The following ADARB1 variants were observed in gnomAD, a reference collection of about 807,000 sequenced individuals.
ADARB1 encodes adenosine deaminase RNA specific B1, also known as double-stranded RNA-specific editase 1.
Under a neutral mutation model 52.4 loss-of-function variants are expected in ADARB1, and 10 were observed. The observed-to-expected ratio is 0.19, with a 90% CI of 0.12 to 0.32. The LOEUF (loss-of-function observed/expected upper bound fraction) is 0.32. Ranked by LOEUF, ADARB1 falls within the 10% of genes least tolerant of loss-of-function variation. The pLI, the probability that ADARB1 is intolerant of heterozygous loss-of-function variation, is 1.00. For missense variants in ADARB1, 643 were observed against 922.3 expected, an observed-to-expected ratio of 0.70 and a Z score of 3.92; for synonymous variants, 349 against 371.1, an observed-to-expected ratio of 0.94 and a Z score of 0.68.
At chr21:45,121,721 C>A (rs2088201198) in intron 1 of ADARB1, among the ~76,000 whole-genome samples, 1 of 152,148 alleles carries the variant, frequency 6.6e-6, no homozygotes, top group Non-Finnish European at 1.5e-5. Context: ...TAGCGTTAGT[C>A]ATTATAGCTA....
At chr21:45,103,776 T>G (rs964754738) in intron 1 of ADARB1, among the ~76,000 whole-genome samples, 2 of 152,200 alleles carry the variant, frequency 1.3e-5, no homozygotes, top group African/African-American at 4.8e-5. Flanking sequence ...TCACATCTGC[T>G]CAATTTTTCT....
At chr21:45,131,311 T>A (rs139206253) in intron 2 of ADARB1, among the ~76,000 whole-genome samples, 1 of 152,226 alleles carries the variant, frequency 6.6e-6, no homozygotes, top group Admixed American at 6.5e-5. Context: ...CATTACTTTC[T>A]GAAATGGTCA....
At chr21:45,104,030 G>A (rs1265780172) in intron 1 of ADARB1, among the ~76,000 whole-genome samples, 1 of 152,120 alleles carries the variant, frequency 6.6e-6, no homozygotes, top group Non-Finnish European at 1.5e-5. Context: ...GGTCAGTGAC[G>A]GTTGATCTCC....
intron 8 of ADARB1, among the ~76,000 whole-genome samples, chr21:45,196,463 C>T (rs1017433450): frequency 6.6e-6 from 1 of 152,036 alleles, no homozygotes; most frequent in African/African-American, 2.4e-5. Context: ...TTTAGCTACA[C>T]TAAAAAAGAC....
At chr21:45,207,349 G>A (rs527449096) in intron 9 of ADARB1, among the ~76,000 whole-genome samples, 1 of 152,304 alleles carries the variant, frequency 6.6e-6, no homozygotes, top group East Asian at 1.9e-4. Context: ...TTTAGACGAG[G>A]ACTCCTGTGA....
At chr21:45,075,069 ATGCGCCGCGC>A (rs2085864210) in intron 1 of ADARB1, among the ~76,000 whole-genome samples, 1 of 149,386 alleles carries the variant, frequency 6.7e-6, no homozygotes, top group Admixed American at 6.6e-5. Flanking sequence ...TCCGCGTGGG[ATGCGCCGCGC>A]TGCGCCGCGG....
At position 45,143,927 on chromosome 21, in the gene ADARB1, C is replaced by T. The variant is rs144257729; in HGVS notation, c.-48+15354C>T. Among the ~76,000 whole-genome samples the T allele has an allele frequency of 1.8e-4, 28 of 152,302 alleles. 1 individual carries two copies. In the East Asian group the frequency reaches 3.7e-3, roughly 20 times the overall value. ...TGACGGCAGTTCATCTTTTATGACC[C>T]CCATTGTCCCCATTGTCAGTTGTCT... On this transcript the variant is annotated intron_variant, in intron 2 of 10. Transcript: ENST00000348831.
At chr21:45,155,404 CACCTT>C (rs2090504360) in intron 2 of ADARB1, among the ~76,000 whole-genome samples, 1 of 152,142 alleles carries the variant, frequency 6.6e-6, no homozygotes, top group Non-Finnish European at 1.5e-5. Context: ...CCATGACTCT[CACCTT>C]ACAAAGAGAG....
chr21:45,101,626 G>A (rs1296804006), intron 1 of ADARB1, among the ~76,000 whole-genome samples: 3 of 152,194 alleles, frequency 2.0e-5, no homozygotes, highest in African/African-American at 7.2e-5. Context: ...TGATCCTTTT[G>A]CTTTTGGAAA....
chr21:45,152,803 T>C, intron 2 of ADARB1: 1 of 180,124 alleles, frequency 5.6e-6, no homozygotes, highest in Admixed American at 6.0e-5. Context: ...TGAATTAATC[T>C]TGCTGATGCC....
intron 1 of ADARB1, among the ~76,000 whole-genome samples, chr21:45,080,272 A>G (rs1474878429): frequency 6.6e-6 from 1 of 152,222 alleles, no homozygotes; most frequent in African/African-American, 2.4e-5. Flanking sequence ...GTATTTTTAA[A>G]TGAGAGCGAT....
At chr21:45,206,521 G>A (rs540535069) in intron 9 of ADARB1, among the ~76,000 whole-genome samples, 1 of 145,030 alleles carries the variant, frequency 6.9e-6, no homozygotes, top group South Asian at 2.2e-4. Context: ...AGTTACTGAT[G>A]CTGCTGTTTA....
At chr21:45,116,762 G>A (rs2087849519) in intron 1 of ADARB1, among the ~76,000 whole-genome samples, 1 of 152,204 alleles carries the variant, frequency 6.6e-6, no homozygotes, top group Non-Finnish European at 1.5e-5. Flanking sequence ...TCACTATCAC[G>A]AAAACAGCAT....
chr21:45,159,652 T>G (rs1451979268), intron 2 of ADARB1, among the ~76,000 whole-genome samples: 2 of 152,338 alleles, frequency 1.3e-5, no homozygotes, highest in East Asian at 3.9e-4. Flanking sequence ...TCATTCCTGG[T>G]GTCCAATGGG....
intron 1 of ADARB1, among the ~76,000 whole-genome samples, chr21:45,126,175 A>G (rs412666): frequency 0.79 from 120,811 of 152,160 alleles, 48,109 homozygotes; most frequent in South Asian, 0.86. Flanking sequence ...CGATCAGAGG[A>G]TGAGCTCTGT....
At chr21:45,164,785 C>T (rs901552048) in intron 2 of ADARB1, among the ~76,000 whole-genome samples, 5 of 152,056 alleles carry the variant, frequency 3.3e-5, no homozygotes, top group Non-Finnish European at 7.4e-5. Context: ...CAAGAGAAGG[C>T]AGAGAGGCTC....
At chr21:45,092,168 G>C (rs1035902327) in intron 1 of ADARB1, among the ~76,000 whole-genome samples, 1 of 152,056 alleles carries the variant, frequency 6.6e-6, no homozygotes, top group Admixed American at 6.5e-5. Flanking sequence ...GGGTCACTTC[G>C]CTCCTGGGCC....
chr21:45,122,349 TTTAATACAAC>T (rs1225119831), intron 1 of ADARB1, among the ~76,000 whole-genome samples: 1 of 152,238 alleles, frequency 6.6e-6, no homozygotes, highest in Non-Finnish European at 1.5e-5. Flanking sequence ...ATAAATGTGT[TTTAATACAAC>T]TTGCAGTGTA....
chr21:45,154,057 T>C (rs1420834831), intron 2 of ADARB1, among the ~76,000 whole-genome samples: 1 of 152,236 alleles, frequency 6.6e-6, no homozygotes, highest in African/African-American at 2.4e-5. Flanking sequence ...TATTGAGAAG[T>C]ACAAGAATAA....
Sources: gnomAD v4.1 joint callset for allele counts (sites outside exome capture counted in the v4.1 genomes callset) on GRCh38, gnomAD v4.1.1 for gene constraint, MANE v1.5 for transcripts, NCBI Gene and HGNC (gene_info 2026-07-23, HGNC 2026-07-21) for gene names.